CHD7: variants seen among roughly 807,000 people sequenced by gnomAD.
CHD7 encodes chromodomain helicase DNA binding protein 7.
Under a neutral mutation model 307.3 loss-of-function variants are expected in CHD7, and 24 were observed. The ratio of observed to expected loss-of-function variants is 0.08; its 90% confidence interval spans 0.06 to 0.11. The LOEUF (loss-of-function observed/expected upper bound fraction) is 0.11. Ranked by LOEUF, CHD7 falls within the 10% of genes least tolerant of loss-of-function variation. The pLI is 1.00. For synonymous variants in CHD7, 1,363 were observed against 1,349.9 expected, an observed-to-expected ratio of 1.01 and a Z score of -0.21; for missense variants, 3,106 against 3,727.1, an observed-to-expected ratio of 0.83 and a Z score of 4.34.
At chr8:60,796,989 C>T (rs1468082181) in intron 4 of CHD7, among the ~76,000 whole-genome samples, 1 of 152,060 alleles carries the variant, frequency 6.6e-6, no homozygotes, top group East Asian at 1.9e-4. Context: ...ATTTGTTATA[C>T]CTGTTTTAAG....
chr8:60,809,667 T>TGG (rs1812697835), intron 7 of CHD7: 4 of 49,542 alleles, frequency 8.1e-5, no homozygotes, highest in African/African-American at 4.0e-4. Flanking sequence ...AAGGGAGTTT[T>TGG]GAAAAAAAAA....
Position 60,819,212 on chromosome 8 carries a change from C to G in CHD7, c.2614-795C>G, listed in dbSNP as rs373231488. On this transcript the variant is annotated intron_variant, in intron 8 of 37. Transcript: ENST00000423902. ...TCGTGATCCGCCTGCCTTGGCCTCC[C>G]AAAGTGCTGAGATTACAGGCGTGAG... is the stretch of plus-strand genomic sequence containing the variant. 2.0e-5 allele frequency among the ~76,000 whole-genome samples: 3 copies of G among 152,278 alleles called. No homozygotes were observed. In the East Asian group the frequency reaches 5.8e-4, roughly 29 times the overall value.
In CHD7 at chr8:60,867,412, C is replaced by G. The variant is rs549341863; in HGVS notation, c.*1479C>G. 1 of 152,370 alleles carries G rather than the reference C, an allele frequency of 6.6e-6. No individual in the cohort carries two copies. The highest frequency in any genetic ancestry group is 6.5e-5 in the Admixed American group (1 of 15,312). The allele number at this position is 152,370 out of a possible 1,614,324, so 9.4% of individuals were successfully genotyped here. ...AACCCATGTGGAATTGAAACAGACC[C>G]ACTTAAGCACGCACGCGCGCACGCA... On this transcript the variant is annotated 3_prime_UTR_variant, in exon 38 of 38. Coordinates refer to ENST00000423902, the MANE Select transcript of CHD7 (RefSeq NM_017780.4).
intron 1 of CHD7, among the ~76,000 whole-genome samples, chr8:60,697,155 A>G (rs1011770210): frequency 1.3e-5 from 2 of 152,186 alleles, no homozygotes; most frequent in African/African-American, 4.8e-5. Context: ...AAGCCTCTTG[A>G]GACTTTTGAA....
At chr8:60,682,483 C>T (rs1805680040) in intron 1 of CHD7, among the ~76,000 whole-genome samples, 1 of 152,140 alleles carries the variant, frequency 6.6e-6, no homozygotes, top group African/African-American at 2.4e-5. Flanking sequence ...CCCATAAAAG[C>T]CATGTAAGTG....
At chr8:60,705,233 G>T (rs560922853) in intron 1 of CHD7, among the ~76,000 whole-genome samples, 3 of 152,330 alleles carry the variant, frequency 2.0e-5, no homozygotes, top group Admixed American at 1.3e-4. Flanking sequence ...AGGAGGAATG[G>T]ATGGGTACAG....
At chr8:60,727,780 G>A (rs6988582) in intron 1 of CHD7, among the ~76,000 whole-genome samples, 127,408 of 152,236 alleles carry the variant, frequency 0.84, 53,860 homozygotes, top group East Asian at 0.96. Context: ...TGAGCTCTCT[G>A]CTTTCATATT....
At position 60,742,297 on chromosome 8, in the gene CHD7, A is replaced by G; in HGVS notation, c.865A>G (p.Thr289Ala). The part of the protein sequence containing the change: ...PPQQGAVRPQ[T>A]LNFSSRSQTV... ...CCAACAAGGGGCTGTTAGGCCGCAA[A>G]CCCTTAACTTTAGTTCTCGGAGCCA... Residue 289 changes from threonine to alanine, a missense_variant, in exon 2 of 38, where the codon ACC (threonine) becomes GCC (alanine). Transcript: ENST00000423902. 1.9e-6 allele frequency: 3 copies of G among 1,613,354 alleles called. No homozygotes were observed. Among genetic ancestry groups the G allele is most frequent in the Non-Finnish European group, 1.7e-6 (2 of 1,179,700 alleles).
At chr8:60,682,880 A>G (rs1272132392) in intron 1 of CHD7, among the ~76,000 whole-genome samples, 3 of 152,250 alleles carry the variant, frequency 2.0e-5, no homozygotes, top group Non-Finnish European at 4.4e-5. Context: ...ATGGCTCTTA[A>G]AACTTCAACT....
At chr8:60,851,351 C>T in intron 28 of CHD7, 32 bp downstream of exon 28, 1 of 1,492,292 alleles carries the variant, frequency 6.7e-7, no homozygotes, top group Non-Finnish European at 9.2e-7. Flanking sequence ...TGTAGCCGAG[C>T]AGACGTGCAC....
In CHD7 at chr8:60,853,224, G is replaced by T. The variant is rs971937875; in HGVS notation, c.6499G>T (p.Val2167Leu). ...ISSAHIQDER[V>L]LEQAEGKVEE... ...ATCTGCTCATATTCAAGATGAGAGG[G>T]TACTGGAACAAGCCGAAGGCAAAGT... Residue 2167 changes from valine (V) to leucine (L), a missense_variant, in exon 31 of 38, where the codon GTA becomes TTA. Val to Leu is a conservative substitution (Grantham distance 32). This residue lies in a region of CHD7 where 1,030 missense variants were observed against 1,165.4 expected (regional missense o/e 0.88). Coordinates refer to ENST00000423902, the MANE Select transcript of CHD7 (RefSeq NM_017780.4). 4.3e-6 allele frequency: 7 copies of T among 1,613,862 alleles called. No individual in the cohort carries two copies. Among genetic ancestry groups the T allele is most frequent in the Non-Finnish European group, 5.9e-6 (7 of 1,179,840 alleles).
At chr8:60,798,708 G>A (rs1349878119) in intron 4 of CHD7, among the ~76,000 whole-genome samples, 1 of 152,088 alleles carries the variant, frequency 6.6e-6, no homozygotes, top group African/African-American at 2.4e-5. Flanking sequence ...AAAATTTTGT[G>A]TCAAAATTTT....
chr8:60,721,157 T>G (rs1807883073), intron 1 of CHD7, among the ~76,000 whole-genome samples: 1 of 152,200 alleles, frequency 6.6e-6, no homozygotes, highest in African/African-American at 2.4e-5. Context: ...ACTCATATGT[T>G]GAAGCCCCTA....
chr8:60,746,090 G>T (rs1305694240), intron 2 of CHD7, among the ~76,000 whole-genome samples: 2 of 152,158 alleles, frequency 1.3e-5, no homozygotes, highest in Non-Finnish European at 2.9e-5. Context: ...GCTGGAGTCA[G>T]TGGCGCAATC....
intron 7 of CHD7, among the ~76,000 whole-genome samples, chr8:60,811,408 C>T (rs1170340846): frequency 6.6e-6 from 1 of 151,994 alleles, no homozygotes; most frequent in Non-Finnish European, 1.5e-5. Context: ...TTCGTTCTTA[C>T]AAAAAAAGAA....
At chr8:60,807,820 C>G in intron 6 of CHD7, among the ~76,000 whole-genome samples, 1 of 152,198 alleles carries the variant, frequency 6.6e-6, no homozygotes, top group African/African-American at 2.4e-5. Flanking sequence ...CATGAGGCAG[C>G]CAAAAATAAT....
chr8:60,814,411 T>C (rs7823926), intron 7 of CHD7, among the ~76,000 whole-genome samples: 38,618 of 152,190 alleles, frequency 0.25, 8,425 homozygotes, highest in African/African-American at 0.6. Context: ...ATTTGGAGAC[T>C]AGAGCAGATT....
chr8:60,859,251 A>G (rs1805854802), intron 34 of CHD7, among the ~76,000 whole-genome samples: 1 of 152,198 alleles, frequency 6.6e-6, no homozygotes, highest in African/African-American at 2.4e-5. Context: ...CTGTAAATAA[A>G]CCAAGTAGGA....
chr8:60,831,499 A>C (rs939211558), intron 15 of CHD7, among the ~76,000 whole-genome samples: 1 of 152,068 alleles, frequency 6.6e-6, no homozygotes, highest in African/African-American at 2.4e-5. Context: ...AGAATTCCTT[A>C]AAGGCTAGTG....
Sources: allele counts gnomAD v4.1 joint callset (sites outside exome capture counted in the v4.1 genomes callset), GRCh38; gene constraint gnomAD v4.1.1; regional missense constraint gnomAD v4.1.1; transcripts MANE v1.5; gene names NCBI Gene and HGNC (gene_info 2026-07-23, HGNC 2026-07-21).